Variants in MYCBP2 observed in about 807,000 individuals in gnomAD.
MYCBP2 encodes the protein E3 ubiquitin-protein ligase MYCBP2.
Under a neutral mutation model 525.3 loss-of-function variants are expected in MYCBP2, and 120 were observed. The observed-to-expected ratio is 0.23, with a 90% CI of 0.20 to 0.27. MYCBP2 has a LOEUF of 0.27. Ranked by LOEUF, MYCBP2 falls within the 10% of genes least tolerant of loss-of-function variation. MYCBP2 has a pLI of 1.00. For missense variants in MYCBP2, 4,149 were observed against 5,657.1 expected, an observed-to-expected ratio of 0.73 and a Z score of 8.55; for synonymous variants, 1,894 against 1,955.8, an observed-to-expected ratio of 0.97 and a Z score of 0.83.
At chr13:77,111,980 A>G (rs1487403245) in intron 55 of MYCBP2, among the ~76,000 whole-genome samples, 1 of 152,178 alleles carries the variant, frequency 6.6e-6, no homozygotes, top group Non-Finnish European at 1.5e-5. Flanking sequence ...CTGCACATGC[A>G]TGAAGTTTCT....
intron 54 of MYCBP2, 136 bp downstream of exon 54, chr13:77,125,200 A>AT: frequency 1.8e-6 from 2 of 1,114,686 alleles, no homozygotes; most frequent in Admixed American, 2.4e-5. Flanking sequence ...CAGTTGCAAG[A>AT]TTTTTTAACT....
chr13:77,080,200 A>G (rs1392387379), intron 65 of MYCBP2, among the ~76,000 whole-genome samples: 5 of 152,216 alleles, frequency 3.3e-5, no homozygotes, highest in Non-Finnish European at 5.9e-5. Context: ...TACTTACTCA[A>G]TACCAGGGAG....
intron 1 of MYCBP2, among the ~76,000 whole-genome samples, chr13:77,319,937 C>A (rs1011308012): frequency 6.6e-6 from 1 of 152,164 alleles, no homozygotes; most frequent in East Asian, 1.9e-4. Context: ...GATGTGCACA[C>A]CGGAAGTTTA....
intron 48 of MYCBP2, 145 bp downstream of exon 48, chr13:77,146,017 T>C: frequency 1.9e-6 from 1 of 516,666 alleles, no homozygotes; most frequent in Non-Finnish European, 3.4e-6. Context: ...AATCTATACA[T>C]TATTATATGA....
intron 73 of MYCBP2, among the ~76,000 whole-genome samples, chr13:77,063,339 C>T (rs2039638900): frequency 6.6e-6 from 1 of 152,122 alleles, no homozygotes; most frequent in South Asian, 2.1e-4. Flanking sequence ...GGGTGGATCA[C>T]CTGAGGTCAG....
chr13:77,316,254 T>C (rs1020239806), intron 1 of MYCBP2, among the ~76,000 whole-genome samples: 9 of 152,354 alleles, frequency 5.9e-5, no homozygotes, highest in Non-Finnish European at 8.8e-5. Flanking sequence ...AGCAACTGTA[T>C]TGTTATATAT....
intron 15 of MYCBP2, 35 bp downstream of exon 15, chr13:77,251,116 G>A (rs1253115424): frequency 1.3e-6 from 2 of 1,590,788 alleles, no homozygotes; most frequent in Admixed American, 1.7e-5. Flanking sequence ...AATGTGTTCT[G>A]CACATGTTCT....
At chr13:77,070,519 A>G (rs2041010919) in intron 69 of MYCBP2, 112 bp downstream of exon 69, 4 of 651,504 alleles carry the variant, frequency 6.1e-6, no homozygotes, top group Non-Finnish European at 7.6e-6. Flanking sequence ...GGAAGCCAAA[A>G]GATTGGACAT....
At chr13:77,094,811 G>C (rs903821619) in intron 58 of MYCBP2, among the ~76,000 whole-genome samples, 1 of 152,064 alleles carries the variant, frequency 6.6e-6, no homozygotes, top group Admixed American at 6.6e-5. Context: ...TGCTCTAACA[G>C]CATCTTACAT....
In MYCBP2 at chr13:77,198,683, A is replaced by G. The variant is rs79657547; in HGVS notation, c.3844-4439T>C. Among the ~76,000 whole-genome samples the G allele has an allele frequency of 3.3e-3, 498 of 152,326 alleles. 3 individuals are homozygous for G. The highest frequency in any genetic ancestry group is 0.011 in the African/African-American group (477 of 41,574). On this transcript the variant is annotated intron_variant, in intron 26 of 82. Coordinates refer to ENST00000544440, the MANE Select transcript of MYCBP2 (RefSeq NM_015057.5). ...CCTTTTGGATACGAATAGGTGTGGT[A>G]ACATATGACTCTCAATGATTTTTAG...
intron 52 of MYCBP2, among the ~76,000 whole-genome samples, chr13:77,133,393 C>A (rs1395157282): frequency 6.6e-6 from 1 of 152,176 alleles, no homozygotes; most frequent in Non-Finnish European, 1.5e-5. Flanking sequence ...TAAGCATCCA[C>A]AAATGTGTAA....
chr13:77,287,992 T>C (rs746209988), intron 3 of MYCBP2, among the ~76,000 whole-genome samples, 169 bp downstream of exon 3: 2 of 152,262 alleles, frequency 1.3e-5, no homozygotes, highest in African/African-American at 2.4e-5. Context: ...AGTTATAAAG[T>C]TGCAGAGTTT....
At chr13:77,253,888 A>G (rs2071667637) in intron 14 of MYCBP2, among the ~76,000 whole-genome samples, 1 of 152,000 alleles carries the variant, frequency 6.6e-6, no homozygotes, top group South Asian at 2.1e-4. Flanking sequence ...GAAATCCACA[A>G]TAGAGCAATT....
intron 2 of MYCBP2, among the ~76,000 whole-genome samples, chr13:77,294,131 C>CATATATATATATATATATATATATACGT: frequency 1.5e-5 from 1 of 65,692 alleles, no homozygotes; most frequent in Non-Finnish European, 3.0e-5. Flanking sequence ...TATATATATA[C>CATATATATATATATATATATATATACGT]ATATATATAT....
intron 62 of MYCBP2, among the ~76,000 whole-genome samples, chr13:77,083,732 TTAA>T (rs1241564277): frequency 6.6e-6 from 1 of 152,102 alleles, no homozygotes; most frequent in Non-Finnish European, 1.5e-5. Context: ...GATGGCTCCA[TTAA>T]TAATATTAAC....
chr13:77,303,818 A>G lies in MYCBP2; in HGVS notation c.303-7144T>C, dbSNP rs189579031. Among the ~76,000 whole-genome samples, 23 of 152,308 alleles carry G rather than the reference A, an allele frequency of 1.5e-4. No individual in the cohort carries two copies. The East Asian group carries it at 3.1e-3, about 20-fold the overall frequency. Reference sequence around the variant, plus strand: ...AATTATCTAGACTTACAACTCAAGAAGCTAGAAAGAAAACCACAAATTAAA... The same window carrying G: ...AATTATCTAGACTTACAACTCAAGAGGCTAGAAAGAAAACCACAAATTAAA... On this transcript the variant is annotated intron_variant, in intron 1 of 82. Coordinates refer to ENST00000544440, the MANE Select transcript of MYCBP2 (RefSeq NM_015057.5).
chr13:77,204,209 C>A (rs1174523637), intron 26 of MYCBP2, among the ~76,000 whole-genome samples: 1 of 151,904 alleles, frequency 6.6e-6, no homozygotes, highest in Non-Finnish European at 1.5e-5. Flanking sequence ...AGAAAAAAAA[C>A]AAACAACCCC....
At position 77,093,220 on chromosome 13, in the gene MYCBP2, C is replaced by G; in HGVS notation, c.10312G>C (p.Ala3438Pro). The change falls in exon 59 of 83, where the codon GCA becomes CCA. Residue 3438 changes from alanine to proline, a missense_variant. This residue lies in a region of MYCBP2 where 509 missense variants were observed against 789.4 expected (regional missense o/e 0.64). Coordinates refer to ENST00000544440, the MANE Select transcript of MYCBP2 (RefSeq NM_015057.5). Reference sequence around the variant, plus strand: ...GGCTCTTCAAATACATTAGGACTTGCATCAGGAGTTACTGATATATACGGG... The same window carrying G: ...GGCTCTTCAAATACATTAGGACTTGGATCAGGAGTTACTGATATATACGGG... ...PAPYISVTPD[A>P]SPNVFEEPES... 1 of 1,613,316 alleles carries G rather than the reference C, an allele frequency of 6.2e-7. No individual in the cohort carries two copies. Among genetic ancestry groups the G allele is most frequent in the East Asian group, 2.2e-5 (1 of 44,832 alleles).
chr13:77,275,228 AC>A (rs972702892), intron 4 of MYCBP2, among the ~76,000 whole-genome samples: 2 of 152,234 alleles, frequency 1.3e-5, no homozygotes, highest in African/African-American at 4.8e-5. Context: ...TATTTAAAAA[AC>A]AATATTCTTC....
Sources: gnomAD v4.1 joint callset for allele counts (sites outside exome capture counted in the v4.1 genomes callset) on GRCh38, gnomAD v4.1.1 for gene constraint, gnomAD v4.1.1 regional missense constraint, MANE v1.5 for transcripts, NCBI Gene and HGNC (gene_info 2026-07-23, HGNC 2026-07-21) for gene names.